The following ZNF804B variants were observed in gnomAD, a reference collection of about 807,000 sequenced individuals.
ZNF804B encodes the protein zinc finger protein 804B.
In ZNF804B, 80 loss-of-function variants were observed where a neutral mutation model predicts 101.4. That is an observed-to-expected ratio of 0.79 (90% CI 0.66 to 0.95). ZNF804B has a LOEUF of 0.95. Among genes scored for constraint, ZNF804B ranks in the 40% least tolerant of loss-of-function variants. The pLI, the probability that ZNF804B is intolerant of heterozygous loss-of-function variation, is 0.00. For synonymous variants in ZNF804B, 622 were observed against 558.8 expected, an observed-to-expected ratio of 1.11 and a Z score of -1.59; for missense variants, 1,673 against 1,561.9, an observed-to-expected ratio of 1.07 and a Z score of -1.20.
intron 1 of ZNF804B, among the ~76,000 whole-genome samples, chr7:88,776,543 A>G (rs1209859621): frequency 1.3e-5 from 1 of 74,678 alleles, no homozygotes; most frequent in East Asian, 3.5e-4. Flanking sequence ...TGGCTTTTCT[A>G]TTTCTCGTGG....
At chr7:88,802,376 G>A (rs1790605312) in intron 1 of ZNF804B, among the ~76,000 whole-genome samples, 1 of 152,062 alleles carries the variant, frequency 6.6e-6, no homozygotes, top group Admixed American at 6.6e-5. Flanking sequence ...GCAGCAGCAA[G>A]TTTATGCATT....
intron 1 of ZNF804B, among the ~76,000 whole-genome samples, chr7:89,021,459 T>C (rs1012941714): frequency 2.0e-5 from 3 of 152,184 alleles, no homozygotes; most frequent in African/African-American, 7.2e-5. Context: ...TCCACTGGGC[T>C]GTTTCTCAAG....
At chr7:89,215,650 G>A (rs912314903) in intron 1 of ZNF804B, among the ~76,000 whole-genome samples, 9 of 151,876 alleles carry the variant, frequency 5.9e-5, no homozygotes, top group African/African-American at 1.9e-4. Flanking sequence ...TTGGGAAGCC[G>A]AGGCGGGCGC....
At chr7:89,318,733 G>A (rs1209379481) in intron 2 of ZNF804B, among the ~76,000 whole-genome samples, 2 of 152,176 alleles carry the variant, frequency 1.3e-5, no homozygotes, top group Admixed American at 1.3e-4. Context: ...CTGCATTCCA[G>A]CCTGGGTGAC....
At chr7:89,326,887 C>A (rs919677669) in intron 2 of ZNF804B, among the ~76,000 whole-genome samples, 1 of 151,994 alleles carries the variant, frequency 6.6e-6, no homozygotes, top group Admixed American at 6.6e-5. Context: ...TGAACCAAAT[C>A]TTTCACAGTA....
intron 1 of ZNF804B, among the ~76,000 whole-genome samples, chr7:89,151,146 C>A (rs966219331): frequency 1.3e-5 from 2 of 152,006 alleles, no homozygotes; most frequent in Non-Finnish European, 1.5e-5. Flanking sequence ...TTAAAGGCAG[C>A]ATAATCAATT....
intron 2 of ZNF804B, among the ~76,000 whole-genome samples, chr7:89,288,769 T>C (rs1036340033): frequency 1.3e-5 from 2 of 152,130 alleles, no homozygotes; most frequent in Non-Finnish European, 2.9e-5. Context: ...AGGATAAAGG[T>C]TAATTATGGC....
chr7:88,801,378 C>T (rs565528579), intron 1 of ZNF804B, among the ~76,000 whole-genome samples: 1 of 151,814 alleles, frequency 6.6e-6, no homozygotes, highest in South Asian at 2.1e-4. Flanking sequence ...AATTTTACTC[C>T]GTGGATAATA....
intron 2 of ZNF804B, among the ~76,000 whole-genome samples, chr7:89,302,448 A>G (rs979419404): frequency 1.3e-5 from 2 of 151,856 alleles, no homozygotes; most frequent in African/African-American, 4.8e-5. Flanking sequence ...GGGCAATGTT[A>G]ACCTAGAGCT....
At position 88,923,810 on chromosome 7, in the gene ZNF804B, A is replaced by G. The variant is rs73397321; in HGVS notation, c.108+163726A>G. On this transcript the variant is annotated intron_variant, in intron 1 of 3. Transcript: ENST00000333190. ...ATAAAATAGAAGTGACTTTAAGTTT[A>G]TTTTACAAAAATAAGGTCATAGTAG... 2.7e-3 allele frequency among the ~76,000 whole-genome samples: 404 copies of G among 152,216 alleles called. 3 individuals carry two copies. The highest frequency in any genetic ancestry group is 9.6e-3 in the African/African-American group (399 of 41,566).
chr7:89,029,793 CAGTAATG>C (rs1453070378), intron 1 of ZNF804B, among the ~76,000 whole-genome samples: 1 of 152,012 alleles, frequency 6.6e-6, no homozygotes, highest in African/African-American at 2.4e-5. Flanking sequence ...ATTATCCTTT[CAGTAATG>C]TAATTGAGTG....
At chr7:89,121,962 T>C (rs1280383848) in intron 1 of ZNF804B, among the ~76,000 whole-genome samples, 1 of 152,064 alleles carries the variant, frequency 6.6e-6, no homozygotes, top group South Asian at 2.1e-4. Flanking sequence ...TATACAGTGT[T>C]TATTAGAAGA....
At chr7:89,300,594 T>C (rs1284141630) in intron 2 of ZNF804B, among the ~76,000 whole-genome samples, 1 of 151,880 alleles carries the variant, frequency 6.6e-6, no homozygotes, top group East Asian at 1.9e-4. Flanking sequence ...GGGAAGATTA[T>C]GGCATATTTG....
At position 88,794,608 on chromosome 7, in the gene ZNF804B, A is replaced by C. The variant is rs763858589; in HGVS notation, c.108+34524A>C. The C allele has an allele frequency of 2.5e-6, 4 of 1,613,576 alleles. No homozygotes were observed. The South Asian group carries it at 3.3e-5, about 13-fold the overall frequency. On this transcript the variant is annotated intron_variant, in intron 1 of 3. Coordinates refer to ENST00000333190, the MANE Select transcript of ZNF804B (RefSeq NM_181646.5). ...ATCTTTGACATGGCCAATATAATCT[A>C]AAAGAACTTTGTAGAGAGTGTCGCT...
chr7:89,124,171 C>G (rs962488406), intron 1 of ZNF804B, among the ~76,000 whole-genome samples: 1 of 152,178 alleles, frequency 6.6e-6, no homozygotes, highest in Non-Finnish European at 1.5e-5. Flanking sequence ...AGTAAACAAA[C>G]TTGTACTGCA....
chr7:88,917,306 G>A (rs1430125143), intron 1 of ZNF804B, among the ~76,000 whole-genome samples: 2 of 152,072 alleles, frequency 1.3e-5, no homozygotes, highest in Non-Finnish European at 2.9e-5. Context: ...TATTCAAATG[G>A]TCTGAACCAT....
chr7:89,267,147 A>G (rs1230537355), intron 2 of ZNF804B, among the ~76,000 whole-genome samples: 2 of 152,066 alleles, frequency 1.3e-5, no homozygotes, highest in East Asian at 3.9e-4. Flanking sequence ...ATTTGTTGAT[A>G]TTGATCCTTT....
At chr7:89,039,641 C>T (rs978864126) in intron 1 of ZNF804B, among the ~76,000 whole-genome samples, 1 of 121,180 alleles carries the variant, frequency 8.3e-6, no homozygotes, top group African/African-American at 3.1e-5. Context: ...ATTTTTTTCT[C>T]TTCAAGTGTC....
intron 1 of ZNF804B, among the ~76,000 whole-genome samples, chr7:88,798,415 A>G (rs968120127): frequency 2.0e-5 from 3 of 152,122 alleles, no homozygotes; most frequent in Non-Finnish European, 2.9e-5. Flanking sequence ...ATCTTGAAAA[A>G]CATATGAACT....
Sources: allele counts gnomAD v4.1 joint callset (sites outside exome capture counted in the v4.1 genomes callset), GRCh38; gene constraint gnomAD v4.1.1; transcripts MANE v1.5; gene names NCBI Gene and HGNC (gene_info 2026-07-23, HGNC 2026-07-21).